The following FAM171B variants were observed in gnomAD, a reference collection of about 807,000 sequenced individuals.
The protein encoded by FAM171B is family with sequence similarity 171 member B.
A neutral mutation model predicts 75.6 loss-of-function variants in FAM171B; 19 were observed. The ratio of observed to expected loss-of-function variants is 0.25; its 90% CI spans 0.18 to 0.37. The LOEUF (loss-of-function observed/expected upper bound fraction) is 0.37. FAM171B is among the 10% of genes least tolerant of loss of function. FAM171B has a pLI of 1.00. For synonymous variants in FAM171B, 367 were observed against 361.7 expected (o/e 1.01, Z -0.17); for missense variants, 848 against 982.4 (o/e 0.86, Z 1.83).
At chr2:186,730,968 A>G (rs1357070911) in intron 1 of FAM171B, among the ~76,000 whole-genome samples, 1 of 152,242 alleles carries the variant, frequency 6.6e-6, no homozygotes, top group Non-Finnish European at 1.5e-5. Flanking sequence ...CCTATTGAAT[A>G]TGCTGTTGAA....
intron 4 of FAM171B, among the ~76,000 whole-genome samples, chr2:186,747,924 C>T (rs13020260): frequency 4.0e-5 from 6 of 151,784 alleles, no homozygotes; most frequent in African/African-American, 1.5e-4. Context: ...CTTGTTCCAC[C>T]ATTTTTTTTT....
Position 186,694,320 on chromosome 2 carries a change from G to GCAGCAA in FAM171B, c.149_150insGCAACA (p.Gln55_Gln56dup), listed in dbSNP as rs1553508301. 6.1e-4 allele frequency: 954 copies of GCAGCAA among 1,570,376 alleles called. 1 individual carries two copies. The highest frequency in any genetic ancestry group is 1.5e-3 in the Middle Eastern group (9 of 5,988). ...TCATCCAACAGCAGCAGCAGCAGCA[G>GCAGCAA]CAACAACAACAACAACAGCAAAAGC... On this transcript the variant is annotated inframe_insertion, in exon 1 of 8. Transcript: ENST00000304698.
At chr2:186,747,912 C>A (rs1467026177) in intron 4 of FAM171B, among the ~76,000 whole-genome samples, 2 of 152,098 alleles carry the variant, frequency 1.3e-5, no homozygotes, top group Non-Finnish European at 2.9e-5. Flanking sequence ...TGTACATCCA[C>A]ACTTGTTCCA....
chr2:186,730,835 GT>G (rs992812875), intron 1 of FAM171B, among the ~76,000 whole-genome samples: 98 of 149,664 alleles, frequency 6.5e-4, no homozygotes, highest in African/African-American at 1.8e-3. Context: ...GGAATATGCA[GT>G]TTTTTTTTTC....
chr2:186,747,303 C>A, intron 4 of FAM171B, 53 bp downstream of exon 4: 2 of 1,252,306 alleles, frequency 1.6e-6, no homozygotes, highest in East Asian at 2.7e-5. Context: ...GTACACAAAT[C>A]TTTCATCAAA....
At chr2:186,729,110 T>C (rs1402486917) in intron 1 of FAM171B, among the ~76,000 whole-genome samples, 1 of 152,192 alleles carries the variant, frequency 6.6e-6, no homozygotes, top group Non-Finnish European at 1.5e-5. Flanking sequence ...ATCTGCTAAA[T>C]AGTTAAATCT....
Position 186,761,502 on chromosome 2 carries a change from A to G in FAM171B, c.1160A>G (p.Lys387Arg). ...YCRDKCGTPQ[K>R]RERNITKLEV... ...AGGGACAAGTGTGGTACTCCACAGA[A>G]AAGAGAAAGAAATATCACTAAACTT... The change falls in exon 8 of 8, where the codon AAA (lysine) becomes AGA (arginine). Residue 387 changes from lysine (K) to arginine (R), a missense_variant. Transcript: ENST00000304698. 6.3e-7 allele frequency: 1 copy of G among 1,581,242 alleles called. No homozygotes were observed. The highest frequency in any genetic ancestry group is 8.5e-7 in the Non-Finnish European group (1 of 1,169,858).
chr2:186,699,901 C>G (rs1689632919), intron 1 of FAM171B, among the ~76,000 whole-genome samples: 1 of 152,176 alleles, frequency 6.6e-6, no homozygotes, highest in East Asian at 1.9e-4. Context: ...AATGTATGTT[C>G]TTGGCAACTT....
intron 1 of FAM171B, among the ~76,000 whole-genome samples, chr2:186,703,180 A>G (rs991144401): frequency 1.3e-5 from 2 of 151,884 alleles, no homozygotes; most frequent in African/African-American, 4.8e-5. Flanking sequence ...CCTGGGTTCA[A>G]GCGATTCTCA....
At chr2:186,759,274 C>T (rs1459852601) in intron 6 of FAM171B, among the ~76,000 whole-genome samples, 1 of 152,108 alleles carries the variant, frequency 6.6e-6, no homozygotes, top group Non-Finnish European at 1.5e-5. Context: ...ATGCAGATAT[C>T]TCTTTGATAT....
At chr2:186,697,357 A>C (rs1188903732) in intron 1 of FAM171B, among the ~76,000 whole-genome samples, 1 of 151,976 alleles carries the variant, frequency 6.6e-6, no homozygotes, top group East Asian at 1.9e-4. Context: ...CCTCCTGGGC[A>C]CAGCCTCCTG....
chr2:186,705,469 T>C (rs1392189114), intron 1 of FAM171B, among the ~76,000 whole-genome samples: 1 of 151,114 alleles, frequency 6.6e-6, no homozygotes, highest in African/African-American at 2.4e-5. Context: ...GTGTAGGGGG[T>C]TCCTGGGAAC....
In FAM171B at chr2:186,761,644, A is replaced by T. The variant is rs767452208; in HGVS notation, c.1302A>T (p.Ser434=). 1 of 1,612,780 alleles carries T rather than the reference A, an allele frequency of 6.2e-7. No homozygotes were observed. The highest frequency in any genetic ancestry group is 8.5e-7 in the Non-Finnish European group (1 of 1,179,534). The change falls in exon 8 of 8, where the codon TCA becomes TCT. Residue 434 remains serine (S), a synonymous_variant. Transcript: ENST00000304698. ...AGTTATTCAATGCCAAAAACTCCTC[A>T]TATAGTCCTCAGAAAAAGGAACCAT... ...KSQLFNAKNS[S]YSPQKKEPSK... is the part of the protein sequence containing the mutation.
At chr2:186,714,994 G>T (rs529082983) in intron 1 of FAM171B, among the ~76,000 whole-genome samples, 1 of 152,258 alleles carries the variant, frequency 6.6e-6, no homozygotes, top group Admixed American at 6.5e-5. Flanking sequence ...TTCAGAGGTG[G>T]TAATTCCTTA....
chr2:186,754,313 A>G (rs1690498602), intron 6 of FAM171B, among the ~76,000 whole-genome samples: 1 of 152,214 alleles, frequency 6.6e-6, no homozygotes, highest in Non-Finnish European at 1.5e-5. Flanking sequence ...ACTTCTTTTT[A>G]TGAATAAATT....
chr2:186,741,829 G>A (rs115975784), intron 2 of FAM171B, among the ~76,000 whole-genome samples: 5 of 151,984 alleles, frequency 3.3e-5, no homozygotes, highest in African/African-American at 1.2e-4. Flanking sequence ...ACAAATAAAC[G>A]TATGTTAAAA....
intron 1 of FAM171B, among the ~76,000 whole-genome samples, chr2:186,701,467 G>A (rs1689660303): frequency 6.6e-6 from 1 of 151,984 alleles, no homozygotes; most frequent in Non-Finnish European, 1.5e-5. Flanking sequence ...TTACATATCT[G>A]CTACTTTGTA....
rs140236002 is a variant in FAM171B, at chr2:186,740,339, C to T, written c.350C>T (p.Thr117Ile). The T allele has an allele frequency of 1.9e-6, 3 of 1,613,908 alleles. No individual in the cohort carries two copies. In the African/African-American group the frequency reaches 4.0e-5, roughly 22 times the overall value. Residue 117 changes from threonine to isoleucine, a missense_variant, in exon 2 of 8, where the codon ACT becomes ATT. By Grantham distance (89) the Thr-to-Ile change is moderately conservative. Around this residue, in one of 3 missense-constraint regions of FAM171B, gnomAD observed 665 missense variants for 729.0 expected, o/e 0.91. Transcript: ENST00000304698. ...VNYTKTNSTV[T>I]KSNGAVLIKV... ...TACACGAAGACAAATTCCACAGTAACTAAAAGCAATGGAGCAGTGCTGATA... is the reference window on the plus strand; with the variant it reads ...TACACGAAGACAAATTCCACAGTAATTAAAAGCAATGGAGCAGTGCTGATA...
chr2:186,710,869 T>A (rs1395626090), intron 1 of FAM171B, among the ~76,000 whole-genome samples: 1 of 151,902 alleles, frequency 6.6e-6, no homozygotes, highest in Non-Finnish European at 1.5e-5. Flanking sequence ...TTGCTTTATC[T>A]CTATTACTGT....
Sources: gnomAD v4.1 joint callset for allele counts (sites outside exome capture counted in the v4.1 genomes callset) on GRCh38, gnomAD v4.1.1 for gene constraint, gnomAD v4.1.1 regional missense constraint, MANE v1.5 for transcripts, NCBI Gene and HGNC (gene_info 2026-07-23, HGNC 2026-07-21) for gene names.